Variants in DUOX1 observed in about 807,000 individuals in gnomAD.
DUOX1 encodes NADPH thyroid oxidase 1.
DUOX1 carries 134 observed loss-of-function variants against 181.8 expected under a neutral mutation model. The observed-to-expected ratio is 0.74, with a 90% confidence interval of 0.64 to 0.85. The LOEUF is 0.85. DUOX1 is among the 40% of genes least tolerant of loss of function. The probability of loss-of-function intolerance (pLI) is 0.00; values close to 1 mark genes in which losing one functional copy is unlikely to be tolerated. For missense variants in DUOX1, 1,814 were observed against 2,064.4 expected, an observed-to-expected ratio of 0.88 and a Z score of 2.35; for synonymous variants, 798 against 832.5, an observed-to-expected ratio of 0.96 and a Z score of 0.71.
intron 26 of DUOX1, 191 bp downstream of exon 26, chr15:45,153,670 G>T: frequency 1.5e-6 from 1 of 688,276 alleles, no homozygotes; most frequent in South Asian, 1.7e-5. Flanking sequence ...CAGCAGGAGA[G>T]ACTGGTGTCT....
intron 9 of DUOX1, among the ~76,000 whole-genome samples, chr15:45,136,848 C>T (rs1260530528): frequency 6.8e-6 from 1 of 147,452 alleles, no homozygotes; most frequent in Non-Finnish European, 1.5e-5. Flanking sequence ...TATTACCCTC[C>T]CCCCCACCAT....
intron 9 of DUOX1, 59 bp from the exon 10 acceptor site, chr15:45,137,865 A>C: frequency 7.2e-7 from 1 of 1,388,518 alleles, no homozygotes; most frequent in Non-Finnish European, 9.9e-7. Flanking sequence ...ACCAGAACTG[A>C]TGCCTGACAT....
rs1439280295 is a variant in DUOX1, at chr15:45,135,131, GC to G, written c.336del (p.Ser112ArgfsTer58). 1.2e-6 allele frequency: 2 copies of G among 1,613,678 alleles called. No homozygotes were observed. The highest frequency in any genetic ancestry group is 2.7e-5 in the African/African-American group (2 of 74,898). ...TATCACGTGCTTTCAGACCTGGTGA[GC>G]GTGGAAACTCCCGGCTGCCCCGCCG... ...FGYHVLSDLV[S>X]VETPGCPAEF... On this transcript the variant is annotated frameshift_variant, in exon 5 of 34. Coordinates refer to ENST00000389037, the MANE Select transcript of DUOX1 (RefSeq NM_175940.3). LOFTEE classifies it high-confidence loss of function.
At chr15:45,160,708 A>G in intron 28 of DUOX1, 129 bp from the exon 29 acceptor site, 1 of 1,058,806 alleles carries the variant, frequency 9.4e-7, no homozygotes, top group Non-Finnish European at 1.2e-6. Context: ...ACCTAGAAGG[A>G]GCATGGTACG....
At chr15:45,162,656 G>A (rs75129862) in intron 31 of DUOX1, among the ~76,000 whole-genome samples, 1,528 of 152,332 alleles carry the variant, frequency 0.01, 16 homozygotes, top group Middle Eastern at 0.017. Flanking sequence ...GCTTCTGGGA[G>A]TTCCTCCAGG....
In DUOX1 at chr15:45,148,440, T is replaced by G; in HGVS notation, c.2811T>G (p.Cys937Trp). The G allele has an allele frequency of 1.2e-6, 2 of 1,611,502 alleles. No homozygotes were observed. The highest frequency in any genetic ancestry group is 1.7e-6 in the Non-Finnish European group (2 of 1,178,146). ...HNSELRFTQL[C>W]VKGVEVPEVI... ...GCGAGCTCCGCTTCACGCAGCTCTGTGTCAAAGGTGGGGCAGCCTGGTAGG... is the reference window on the plus strand; with the variant it reads ...GCGAGCTCCGCTTCACGCAGCTCTGGGTCAAAGGTGGGGCAGCCTGGTAGG... Residue 937 changes from cysteine to tryptophan, a missense_variant, in exon 21 of 34, where the codon TGT becomes TGG. Transcript: ENST00000389037.
At position 45,144,815 on chromosome 15, in the gene DUOX1, C is replaced by T. The variant is rs534260133; in HGVS notation, c.2137-80C>T. 2.6e-5 allele frequency: 38 copies of T among 1,451,916 alleles called. No individual in the cohort carries two copies. In the East Asian group the frequency reaches 8.0e-4, roughly 31 times the overall value. 89.9% of individuals were successfully genotyped at this position (1,451,916 alleles called of 1,614,324 possible). A position where few individuals can be genotyped will look rare whatever the true frequency, so the allele number is the denominator to read the frequency against. ...CTTTTTCAAGGCCACCCCAGTGGCC[C>T]CTCTGACATAATCCACATAAACTGC... On this transcript the variant is annotated intron_variant, in intron 17 of 33. Coordinates refer to ENST00000389037, the MANE Select transcript of DUOX1 (RefSeq NM_175940.3).
chr15:45,130,594 C>T lies in DUOX1; in HGVS notation c.-50+496C>T, dbSNP rs373650000. Among the ~76,000 whole-genome samples the T allele has an allele frequency of 3.2e-4, 48 of 152,324 alleles. 1 individual carries two copies. The South Asian group carries it at 9.3e-3, about 30-fold the overall frequency. ...CTGCCGCTGGCTCTGCCTGGGGCTT[C>T]ACTGCCCTGTCCTGGGCAACCTTCC... On this transcript the variant is annotated intron_variant, in intron 1 of 33. Coordinates refer to ENST00000389037, the MANE Select transcript of DUOX1 (RefSeq NM_175940.3).
In DUOX1 at chr15:45,142,015, C is replaced by T. The variant is rs1595581343; in HGVS notation, c.1725C>T (p.Gly575=). Residue 575 remains glycine (G), a synonymous_variant, in exon 15 of 34, where the codon GGC becomes GGT. Transcript: ENST00000389037. ...AGCCGAGACAGCTCAGCACTGAAGG[C>T]CTGCCAGCGTGTGCTCCCTCTGTTG... is the stretch of plus-strand genomic sequence containing the variant. ...CPQPRQLSTE[G]LPACAPSVVR... 6 of 1,613,728 alleles carry T rather than the reference C, an allele frequency of 3.7e-6. No individual in the cohort carries two copies. The East Asian group carries it at 1.3e-4, about 36-fold the overall frequency.
In DUOX1 at chr15:45,133,996, G is replaced by C. The variant is rs768809805; in HGVS notation, c.142+49G>C. The stretch of plus-strand genomic sequence containing the variant: ...AGAACCCCAGGGCCAGGGGGGTACT[G>C]AGTGCTGCGGGGCAAGAGCTGGCAA... On this transcript the variant is annotated intron_variant, in intron 3 of 33. Coordinates refer to ENST00000389037, the MANE Select transcript of DUOX1 (RefSeq NM_175940.3). 2.5e-6 allele frequency: 4 copies of C among 1,599,450 alleles called. No individual in the cohort carries two copies. In the African/African-American group the frequency reaches 5.4e-5, roughly 21 times the overall value.
intron 2 of DUOX1, 52 bp downstream of exon 2, chr15:45,132,076 C>T: frequency 2.0e-6 from 3 of 1,485,126 alleles, no homozygotes; most frequent in Non-Finnish European, 2.7e-6. Context: ...AACCCAGCAT[C>T]CTCTGGGCTC....
intron 27 of DUOX1, 36 bp from the exon 28 acceptor site, chr15:45,155,766 T>C: frequency 6.2e-7 from 1 of 1,612,462 alleles, no homozygotes; most frequent in South Asian, 1.1e-5. Flanking sequence ...TTCAAGGCAC[T>C]GATCTTCTGC....
chr15:45,142,785 AAGGGAGGGAGGAAGGGAGGG>A (rs1896538293), intron 15 of DUOX1, among the ~76,000 whole-genome samples: 3 of 144,000 alleles, frequency 2.1e-5, no homozygotes, highest in Non-Finnish European at 3.1e-5. Context: ...GGAAGGAAGG[AAGGGAGGGAGGAAGGGAGGG>A]AGGAAGAGCA....
At position 45,144,112 on chromosome 15, in the gene DUOX1, A is replaced by C; in HGVS notation, c.2013A>C (p.Val671=). ...TGCAGCCCGGGCAGATCCGTGTGGT[A>C]GATGGCAGGCTCACCGTGCTCCGCA... ...VYLQPGQIRV[V]DGRLTVLRTI... is the part of the protein sequence containing the mutation. Residue 671 remains valine, a synonymous_variant, in exon 17 of 34, where the codon GTA becomes GTC. Transcript: ENST00000389037. 6.2e-7 allele frequency: 1 copy of C among 1,614,058 alleles called. No homozygotes were observed. The highest frequency in any genetic ancestry group is 1.1e-5 in the South Asian group (1 of 91,088).
At chr15:45,154,084 C>CTCTGAGT (rs1337370786) in intron 27 of DUOX1, 84 bp downstream of exon 27, 3 of 1,259,450 alleles carry the variant, frequency 2.4e-6, no homozygotes, top group Non-Finnish European at 3.5e-6. Flanking sequence ...GAGCAACCCA[C>CTCTGAGT]GTTCACTCAC....
chr15:45,163,584 A>T lies in DUOX1; in HGVS notation c.4301A>T (p.Asp1434Val). 2 of 1,614,164 alleles carry T rather than the reference A, an allele frequency of 1.2e-6. No homozygotes were observed. The highest frequency in any genetic ancestry group is 1.7e-6 in the Non-Finnish European group (2 of 1,180,020). The change falls in exon 32 of 34, where the codon GAC becomes GTC. Residue 1434 changes from aspartate to valine, a missense_variant. By Grantham distance (152) the Asp-to-Val change is radical. Around this residue, in one of 5 missense-constraint regions of DUOX1, gnomAD observed 279 missense variants for 381.9 expected, o/e 0.73. Transcript: ENST00000389037. ...CAGCGTCAGTTTGAGTGGCTGGCTG[A>T]CATCATCCGAGAGGTGGAGGAGAAT... ...RTQRQFEWLA[D>V]IIREVEENDH...
chr15:45,153,405 G>C lies in DUOX1; in HGVS notation c.3450G>C (p.Val1150=). Residue 1150 remains valine (V), a synonymous_variant, in exon 26 of 34, where the codon GTG becomes GTC. Transcript: ENST00000389037. ...TCTTACACAGTGTGGGCCATGTGGT[G>C]AATGTGTACCTGTTCTCCATCAGCC... The part of the protein sequence containing the change: ...LTVLHSVGHV[V]NVYLFSISPL... The C allele has an allele frequency of 6.2e-7, 1 of 1,613,948 alleles. No homozygotes were observed. The highest frequency in any genetic ancestry group is 8.5e-7 in the Non-Finnish European group (1 of 1,179,984).
intron 17 of DUOX1, 119 bp from the exon 18 acceptor site, chr15:45,144,776 G>C (rs1332750487): frequency 1.9e-6 from 2 of 1,075,986 alleles, no homozygotes; most frequent in Non-Finnish European, 2.7e-6. Context: ...TCTGTAAAAG[G>C]AGAAATAATA....
intron 28 of DUOX1, among the ~76,000 whole-genome samples, chr15:45,157,835 T>G (rs1294763707): frequency 2.1e-5 from 3 of 143,438 alleles, no homozygotes; most frequent in East Asian, 2.0e-4. Flanking sequence ...AAAAAAGAAA[T>G]AAAAAAGGAA....
Sources: gnomAD v4.1 joint callset for allele counts (sites outside exome capture counted in the v4.1 genomes callset) on GRCh38, gnomAD v4.1.1 for gene constraint, gnomAD v4.1.1 regional missense constraint, MANE v1.5 for transcripts, NCBI Gene and HGNC (gene_info 2026-07-23, HGNC 2026-07-21) for gene names.